Variants in ST6GALNAC3 observed in about 807,000 individuals in gnomAD.
The protein encoded by ST6GALNAC3 is ST6 N-acetylgalactosaminide alpha-2,6-sialyltransferase 3, also known as alpha-N-acetylgalactosaminide alpha-2,6-sialyltransferase 3.
Under a neutral mutation model 32.7 loss-of-function variants are expected in ST6GALNAC3, and 25 were observed. That is an observed-to-expected ratio of 0.76 (90% confidence interval 0.56 to 1.07). The LOEUF (loss-of-function observed/expected upper bound fraction) is 1.07, where lower values mean the gene tolerates loss of function less well. ST6GALNAC3 is among the 50% of genes least tolerant of loss of function. The probability of loss-of-function intolerance (pLI) is 0.00; values close to 1 mark genes in which losing one functional copy is unlikely to be tolerated. For missense variants in ST6GALNAC3, 355 were observed against 382.4 expected (o/e 0.93, Z 0.60); for synonymous variants, 129 against 133.1 (o/e 0.97, Z 0.21).
chr1:76,303,294 T>C (rs1660836858), intron 1 of ST6GALNAC3, among the ~76,000 whole-genome samples: 1 of 152,060 alleles, frequency 6.6e-6, no homozygotes, highest in Admixed American at 6.6e-5. Context: ...CAATCAGAGA[T>C]ACTTTCCATT....
chr1:76,132,732 C>G (rs1488187212), intron 1 of ST6GALNAC3, among the ~76,000 whole-genome samples: 1 of 152,162 alleles, frequency 6.6e-6, no homozygotes, highest in South Asian at 2.1e-4. Context: ...TGCGTCTCCA[C>G]CACCTCGCTC....
intron 1 of ST6GALNAC3, among the ~76,000 whole-genome samples, chr1:76,178,042 G>C (rs1369457858): frequency 6.6e-6 from 1 of 152,190 alleles, no homozygotes; most frequent in Non-Finnish European, 1.5e-5. Context: ...ATGGGATTTT[G>C]GTCTTTACTT....
intron 1 of ST6GALNAC3, among the ~76,000 whole-genome samples, chr1:76,262,638 A>G (rs1658305427): frequency 6.6e-6 from 1 of 152,192 alleles, no homozygotes; most frequent in Admixed American, 6.6e-5. Flanking sequence ...AAGCTATTGT[A>G]GTCGTTAGAC....
At chr1:76,198,001 A>T (rs1385495379) in intron 1 of ST6GALNAC3, among the ~76,000 whole-genome samples, 1 of 151,576 alleles carries the variant, frequency 6.6e-6, no homozygotes, top group Non-Finnish European at 1.5e-5. Flanking sequence ...CAACTGTTAC[A>T]GAGTTTTGCC....
At chr1:76,392,381 G>A (rs1452477405) in intron 2 of ST6GALNAC3, among the ~76,000 whole-genome samples, 2 of 152,170 alleles carry the variant, frequency 1.3e-5, no homozygotes, top group African/African-American at 4.8e-5. Flanking sequence ...TGAATAGATA[G>A]AAAGTAAACA....
At chr1:76,359,655 C>T (rs889727155) in intron 2 of ST6GALNAC3, among the ~76,000 whole-genome samples, 2 of 152,136 alleles carry the variant, frequency 1.3e-5, no homozygotes, top group African/African-American at 4.8e-5. Flanking sequence ...TACTTTGTTA[C>T]AGCAGCCCTA....
chr1:76,398,511 A>G (rs745371016), intron 2 of ST6GALNAC3, among the ~76,000 whole-genome samples: 12 of 152,158 alleles, frequency 7.9e-5, no homozygotes, highest in Non-Finnish European at 1.6e-4. Context: ...ATATAAATCA[A>G]ATCTTTTACT....
At chr1:76,112,681 G>A (rs1270450139) in intron 1 of ST6GALNAC3, among the ~76,000 whole-genome samples, 4 of 151,052 alleles carry the variant, frequency 2.6e-5, no homozygotes, top group Non-Finnish European at 5.9e-5. Context: ...GCCAGGCAGA[G>A]GGTCTCCTCA....
intron 3 of ST6GALNAC3, among the ~76,000 whole-genome samples, chr1:76,455,133 T>C (rs1657682922): frequency 6.6e-6 from 1 of 152,168 alleles, no homozygotes; most frequent in African/African-American, 2.4e-5. Flanking sequence ...CTTTTGCATT[T>C]TCAGATTGTT....
At chr1:76,385,829 A>G (rs1249689085) in intron 2 of ST6GALNAC3, among the ~76,000 whole-genome samples, 1 of 152,134 alleles carries the variant, frequency 6.6e-6, no homozygotes, top group Non-Finnish European at 1.5e-5. Context: ...CCTTAAGTAG[A>G]GCTGCATAAA....
chr1:76,202,560 G>A, intron 1 of ST6GALNAC3, among the ~76,000 whole-genome samples: 1 of 152,122 alleles, frequency 6.6e-6, no homozygotes, highest in East Asian at 1.9e-4. Context: ...ACAGATGAAT[G>A]TGTGTATAAG....
intron 2 of ST6GALNAC3, among the ~76,000 whole-genome samples, chr1:76,375,469 A>G (rs1162655990): frequency 6.6e-6 from 1 of 152,242 alleles, no homozygotes. Flanking sequence ...CACCAAATAA[A>G]GTAAAGTAGC....
At chr1:76,341,556 C>T (rs972134594) in intron 2 of ST6GALNAC3, among the ~76,000 whole-genome samples, 1 of 151,754 alleles carries the variant, frequency 6.6e-6, no homozygotes, top group Admixed American at 6.6e-5. Context: ...ATAGGATTGC[C>T]AGCTGAATGG....
intron 1 of ST6GALNAC3, among the ~76,000 whole-genome samples, chr1:76,112,305 C>T: frequency 7.2e-6 from 1 of 138,204 alleles, no homozygotes; most frequent in Non-Finnish European, 1.6e-5. Flanking sequence ...TCCTCACTTC[C>T]CAGTAGGGGC....
intron 1 of ST6GALNAC3, among the ~76,000 whole-genome samples, chr1:76,301,229 G>T (rs958876324): frequency 1.2e-4 from 18 of 152,040 alleles, no homozygotes; most frequent in African/African-American, 3.9e-4. Context: ...CAGAGGAACA[G>T]TATAGGTAAG....
At chr1:76,128,654 G>C (rs972062702) in intron 1 of ST6GALNAC3, among the ~76,000 whole-genome samples, 1 of 152,128 alleles carries the variant, frequency 6.6e-6, no homozygotes, top group Non-Finnish European at 1.5e-5. Context: ...CCCAAATATG[G>C]AGTGCTTCCA....
intron 3 of ST6GALNAC3, among the ~76,000 whole-genome samples, chr1:76,489,370 ATAT>A (rs749544120): frequency 6.6e-6 from 1 of 152,080 alleles, no homozygotes; most frequent in Non-Finnish European, 1.5e-5. Flanking sequence ...GCACTAGGGT[ATAT>A]TATTATGTTG....
At chr1:76,611,253 T>C (rs938162679) in intron 3 of ST6GALNAC3, among the ~76,000 whole-genome samples, 1 of 151,744 alleles carries the variant, frequency 6.6e-6, no homozygotes, top group African/African-American at 2.4e-5. Flanking sequence ...ATTATATTAA[T>C]ATTCAAAATA....
chr1:76,131,058 T>G (rs1171580834), intron 1 of ST6GALNAC3, among the ~76,000 whole-genome samples: 2 of 152,222 alleles, frequency 1.3e-5, no homozygotes, highest in Non-Finnish European at 2.9e-5. Flanking sequence ...GGGTATGTGT[T>G]GTCTCCAGTG....
Sources: allele counts gnomAD v4.1 joint callset (sites outside exome capture counted in the v4.1 genomes callset), GRCh38; gene constraint gnomAD v4.1.1; transcripts MANE v1.5; gene names NCBI Gene and HGNC (gene_info 2026-07-23, HGNC 2026-07-21).